The following FBXL13 variants were observed in gnomAD, a reference collection of about 807,000 sequenced individuals.
FBXL13 encodes the protein F-box and leucine-rich repeat protein 13.
FBXL13 carries 67 observed loss-of-function variants against 83.6 expected under a neutral mutation model. That is an observed-to-expected ratio of 0.80 (90% CI 0.66 to 0.98). FBXL13 has a LOEUF of 0.98. Among genes scored for constraint, FBXL13 ranks in the 50% least tolerant of loss-of-function variants. The pLI is 0.00. For missense variants in FBXL13, 822 were observed against 866.5 expected (o/e 0.95, Z 0.64); for synonymous variants, 272 against 299.5 (o/e 0.91, Z 0.95).
intron 6 of FBXL13, among the ~76,000 whole-genome samples, chr7:103,004,269 A>G (rs529618086): frequency 6.9e-4 from 105 of 152,288 alleles, no homozygotes; most frequent in South Asian, 3.1e-3. Context: ...TTTCAGCACT[A>G]GTGGTGCTGT....
intron 19 of FBXL13, among the ~76,000 whole-genome samples, chr7:102,821,293 C>G (rs1798779743): frequency 6.6e-6 from 1 of 152,210 alleles, no homozygotes; most frequent in Non-Finnish European, 1.5e-5. Context: ...CCAACTCCAG[C>G]TGGCTGCCCT....
At chr7:103,005,292 G>C (rs558927734) in intron 6 of FBXL13, among the ~76,000 whole-genome samples, 25 of 152,172 alleles carry the variant, frequency 1.6e-4, no homozygotes, top group Non-Finnish European at 3.4e-4. Context: ...CATTTGAAAA[G>C]AGGGTAGGGA....
intron 6 of FBXL13, among the ~76,000 whole-genome samples, chr7:102,975,336 C>A (rs1236685362): frequency 6.6e-6 from 1 of 152,236 alleles, no homozygotes; most frequent in Non-Finnish European, 1.5e-5. Context: ...CTTGGCATGA[C>A]CTCTACATTA....
At chr7:102,893,802 T>G (rs1336582576) in intron 11 of FBXL13, among the ~76,000 whole-genome samples, 304 of 101,698 alleles carry the variant, frequency 3.0e-3, no homozygotes, top group Middle Eastern at 0.011. Flanking sequence ...AGGAGAAGGA[T>G]GAGGAGGGAA....
chr7:102,916,438 A>C (rs1412762838), intron 10 of FBXL13, among the ~76,000 whole-genome samples: 1 of 152,096 alleles, frequency 6.6e-6, no homozygotes, highest in African/African-American at 2.4e-5. Context: ...TGGATTGAAA[A>C]TCTCTGGATA....
At chr7:102,833,353 A>G (rs1801060012) in intron 17 of FBXL13, among the ~76,000 whole-genome samples, 2 of 152,176 alleles carry the variant, frequency 1.3e-5, no homozygotes, top group South Asian at 4.1e-4. Context: ...CTTTGGAATC[A>G]GACAGACCCG....
intron 16 of FBXL13, chr7:102,874,447 A>C: frequency 9.0e-6 from 6 of 666,966 alleles, no homozygotes; most frequent in Non-Finnish European, 1.1e-5. Flanking sequence ...GCAGAAAACA[A>C]TTAGTATACT....
chr7:103,009,764 GAGCC>G (rs906676073), intron 6 of FBXL13, among the ~76,000 whole-genome samples: 1 of 152,142 alleles, frequency 6.6e-6, no homozygotes, highest in Non-Finnish European at 1.5e-5. Flanking sequence ...AGCCCTTAAT[GAGCC>G]AGCCAGCCAG....
At chr7:102,912,952 C>A in intron 11 of FBXL13, 134 bp downstream of exon 12, 2 of 1,170,166 alleles carry the variant, frequency 1.7e-6, no homozygotes, top group Non-Finnish European at 2.3e-6. Flanking sequence ...GCAGCTGGGG[C>A]CATGTAATTT....
At chr7:102,837,118 A>G (rs1802120474) in intron 17 of FBXL13, among the ~76,000 whole-genome samples, 1 of 152,244 alleles carries the variant, frequency 6.6e-6, no homozygotes, top group Admixed American at 6.5e-5. Context: ...CAAGATATCT[A>G]CTTCGCATAT....
At chr7:102,819,027 C>G (rs372021188) in intron 19 of FBXL13, among the ~76,000 whole-genome samples, 1 of 152,198 alleles carries the variant, frequency 6.6e-6, no homozygotes, top group East Asian at 1.9e-4. Flanking sequence ...CATTTAGCTC[C>G]CACTTATAAG....
At chr7:103,052,271 A>C (rs1796893967) in intron 2 of FBXL13, among the ~76,000 whole-genome samples, 1 of 152,098 alleles carries the variant, frequency 6.6e-6, no homozygotes, top group South Asian at 2.1e-4. Context: ...CATTTTTTTT[A>C]AGAGATGAGG....
chr7:102,948,455 G>A (rs980132920), intron 8 of FBXL13, among the ~76,000 whole-genome samples: 9 of 151,290 alleles, frequency 5.9e-5, no homozygotes, highest in Admixed American at 1.3e-4. Context: ...ACAGAGTCTC[G>A]CTCTGTCGCC....
chr7:103,053,228 T>C (rs1311897481), intron 2 of FBXL13, among the ~76,000 whole-genome samples: 4 of 150,450 alleles, frequency 2.7e-5, no homozygotes, highest in East Asian at 2.0e-4. Context: ...TCTTGGCACA[T>C]TGCAACCTCC....
intron 1 of FBXL13, among the ~76,000 whole-genome samples, chr7:103,059,469 T>C (rs761488591): frequency 1.3e-5 from 2 of 152,194 alleles, no homozygotes; most frequent in Admixed American, 6.5e-5. Context: ...ACTTAGTCTT[T>C]ATTGTAAGCA....
chr7:103,032,613 A>C (rs1174390484), intron 2 of FBXL13, among the ~76,000 whole-genome samples: 1 of 152,236 alleles, frequency 6.6e-6, no homozygotes, highest in Non-Finnish European at 1.5e-5. Context: ...CTACAGAAAA[A>C]AAGTTTTAGT....
At chr7:102,926,950 G>C (rs4255065) in intron 9 of FBXL13, among the ~76,000 whole-genome samples, 2 of 152,166 alleles carry the variant, frequency 1.3e-5, no homozygotes, top group Non-Finnish European at 2.9e-5. Flanking sequence ...AAATAAAATA[G>C]AGGCTACATA....
At chr7:103,023,152 T>C (rs1793416136) in intron 6 of FBXL13, among the ~76,000 whole-genome samples, 1 of 152,112 alleles carries the variant, frequency 6.6e-6, no homozygotes, top group Non-Finnish European at 1.5e-5. Context: ...GGCGGGCACC[T>C]GTGGTCCCAG....
rs569910254 is a variant in FBXL13 at position 102,841,958 on chromosome 7, T to G, written c.1720-8984A>C. ...ACCAGATATCCCCACTACCCTTCAT[T>G]CTACCAGAGGAATTCCTTAGTTTCC... On this transcript the variant is annotated intron_variant, in intron 17 of 19. Coordinates refer to ENST00000313221, the Ensembl canonical transcript of FBXL13. Among the ~76,000 whole-genome samples the G allele has an allele frequency of 3.3e-5, 5 of 152,288 alleles. No homozygotes were observed. The South Asian group carries it at 1.0e-3, about 32-fold the overall frequency.
Sources: allele counts gnomAD v4.1 joint callset (sites outside exome capture counted in the v4.1 genomes callset), GRCh38; gene constraint gnomAD v4.1.1; transcripts MANE v1.5; gene names NCBI Gene and HGNC (gene_info 2026-07-23, HGNC 2026-07-21).